The following KRT81 variants were observed in gnomAD, a reference collection of about 807,000 sequenced individuals.
KRT81 encodes the protein keratin 81.
In KRT81, 35 loss-of-function variants were observed where a neutral mutation model predicts 35.8. That is an observed-to-expected ratio of 0.98 (90% confidence interval 0.75 to 1.30). KRT81 has a LOEUF of 1.30. Ranked by LOEUF, KRT81 falls within the 50% of genes most tolerant of loss-of-function variation. KRT81 has a pLI of 0.00. For missense variants in KRT81, 531 were observed against 577.4 expected, an observed-to-expected ratio of 0.92 and a Z score of 0.82; for synonymous variants, 249 against 251.2, an observed-to-expected ratio of 0.99 and a Z score of 0.08.
Position 52,286,334 on chromosome 12 carries a change from C to G in KRT81, c.1439G>C (p.Gly480Ala). 1.3e-6 allele frequency: 2 copies of G among 1,554,924 alleles called. No individual in the cohort carries two copies. The highest frequency in any genetic ancestry group is 8.7e-7 in the Non-Finnish European group (1 of 1,148,752). The change falls in exon 9 of 9, where the codon GGG becomes GCG. Residue 480 changes from glycine (G) to alanine (A), a missense_variant. Transcript: ENST00000327741. ...ACAGGAGCCCACGCCGCAGGAACCC[C>G]CTCCGCAGGTGGTGTTCAATTGGCC... ...PCGQLNTTCG[G>A]GSCGVGSCGI...
At position 52,287,637 on chromosome 12, in the gene KRT81, T is replaced by A; in HGVS notation, c.985A>T (p.Ile329Phe). ...KEEINELNRM[I>F]QRLTAEVENA... ...TCCACCTCGGCCGTCAGCCTTTGGATCATGCGGTTCAGCTCATTGATCTCC... is the reference window on the plus strand; with the variant it reads ...TCCACCTCGGCCGTCAGCCTTTGGAACATGCGGTTCAGCTCATTGATCTCC... The change falls in exon 6 of 9, where the codon ATC (isoleucine) becomes TTC (phenylalanine). Residue 329 changes from isoleucine (I) to phenylalanine (F), a missense_variant. This residue lies in a region of KRT81 where 194 missense variants were observed against 198.2 expected (regional missense o/e 0.98). Coordinates refer to ENST00000327741, the MANE Select transcript of KRT81 (RefSeq NM_002281.4). The A allele has an allele frequency of 6.2e-7, 1 of 1,613,892 alleles. No individual in the cohort carries two copies.
chr12:52,286,153 CAGG>C lies in KRT81; in HGVS notation c.*99_*101del, dbSNP rs546731827. 4.7e-4 allele frequency: 438 copies of C among 927,862 alleles called. 2 individuals carry two copies. In the African/African-American group the frequency reaches 6.3e-3, roughly 13 times the overall value. 57.5% of individuals were successfully genotyped at this position (927,862 alleles called of 1,614,324 possible). On this transcript the variant is annotated 3_prime_UTR_variant, in exon 9 of 9. Transcript: ENST00000327741. The stretch of plus-strand genomic sequence containing the variant: ...GGAGTGGGAGGGGTCTTTCAAAGTG[CAGG>C]AGAAGTAGCTGAGCACTTGCTCCAG...
rs201454353 is a variant in KRT81 at position 52,287,304 on chromosome 12, C to T, written c.1045G>A (p.Ala349Thr). The T allele has an allele frequency of 3.1e-4, 501 of 1,614,030 alleles. 4 individuals carry two copies. The highest frequency in any genetic ancestry group is 2.5e-3 in the Middle Eastern group (15 of 6,026). ...CCCTGCTGCTCAGACTGGGCCACCG[C>T]GGCCTCCAGCTTGGAGTTCTGAAGA... is the stretch of plus-strand genomic sequence containing the variant. ...AKCQNSKLEA[A>T]VAQSEQQGEA... Residue 349 changes from alanine to threonine, a missense_variant, in exon 7 of 9, where the codon GCG (alanine) becomes ACG (threonine). Ala to Thr is a moderately conservative substitution (Grantham distance 58). Transcript: ENST00000327741.
chr12:52,286,602 CTT>C, intron 8 of KRT81, 109 bp from the exon 9 acceptor site: 1 of 1,296,760 alleles, frequency 7.7e-7, no homozygotes, highest in Non-Finnish European at 1.1e-6. Flanking sequence ...TCAGAAGCAT[CTT>C]TGTGGACAAT....
Position 52,285,985 on chromosome 12 carries a change from G to C in KRT81, c.*270C>G, listed in dbSNP as rs932814933. 2 of 523,030 alleles carry C rather than the reference G, an allele frequency of 3.8e-6. No homozygotes were observed. Among genetic ancestry groups the C allele is most frequent in the South Asian group, 4.3e-5 (2 of 46,824 alleles). The allele number at this position is 523,030 out of a possible 1,614,324, so 32.4% of individuals were successfully genotyped here. ...GGGGAGAGGCAGGAAGGCAGTTGCC[G>C]TGGGCAAGGTTCTGGTCCTGGCCCT... On this transcript the variant is annotated 3_prime_UTR_variant, in exon 9 of 9. Coordinates refer to ENST00000327741, the MANE Select transcript of KRT81 (RefSeq NM_002281.4).
rs1347984958 is a variant in KRT81 at position 52,288,041 on chromosome 12, C to T, written c.843G>A (p.Gln281=). The change falls in exon 5 of 9, where the codon CAG becomes CAA. Residue 281 remains glutamine (Q), a synonymous_variant. Transcript: ENST00000327741. The part of the protein sequence containing the change: ...MDCIIAEIKA[Q]YDDIVTRSRA... The stretch of plus-strand genomic sequence containing the variant: ...GGCTGCGGGTGACAATGTCGTCATA[C>T]TGTGCCTTAATCTCGGCAATGATGC... 20 of 1,614,126 alleles carry T rather than the reference C, an allele frequency of 1.2e-5. No individual in the cohort carries two copies. Among genetic ancestry groups the T allele is most frequent in the Admixed American group, 1.7e-5 (1 of 60,006 alleles).
chr12:52,288,260 C>T (rs1938024855), intron 4 of KRT81, 101 bp downstream of exon 4: 6 of 1,602,030 alleles, frequency 3.7e-6, no homozygotes, highest in Middle Eastern at 2.1e-4. Flanking sequence ...CTCACACAGC[C>T]TCAGGGACTG....
In KRT81 at chr12:52,291,450, C is replaced by G. The variant is rs1203286108; in HGVS notation, c.16G>C (p.Gly6Arg). ...CAGCTGAAGGCGCGCCCACCAAATC[C>G]TGATCCGCAGGTCATGATCCTCCTG... The part of the protein sequence containing the change: MTCGS[G>R]FGGRAFSCIS... The change falls in exon 1 of 9, where the codon GGA becomes CGA. Residue 6 changes from glycine (G) to arginine (R), a missense_variant. Physicochemically the swap from Gly to Arg is moderately radical, Grantham distance 125. Around this residue, in one of 5 missense-constraint regions of KRT81, gnomAD observed 133 missense variants for 125.9 expected, o/e 1.06. Transcript: ENST00000327741. 6.2e-7 allele frequency: 1 copy of G among 1,612,946 alleles called. No individual in the cohort carries two copies. The highest frequency in any genetic ancestry group is 1.1e-5 in the South Asian group (1 of 90,966).
In KRT81 at chr12:52,291,265, G is replaced by A. The variant is rs1185662562; in HGVS notation, c.201C>T (p.Ser67=). The A allele has an allele frequency of 1.8e-5, 28 of 1,528,564 alleles. No individual in the cohort carries two copies. The highest frequency in any genetic ancestry group is 4.1e-5 in the Admixed American group (2 of 49,306). 94.7% of individuals were successfully genotyped at this position (1,528,564 alleles called of 1,614,324 possible). A position where few individuals can be genotyped will look rare whatever the true frequency, so the allele number is the denominator to read the frequency against. ...GGGGACTGGGCCCGCACACGCCCCCGGAGCGGTAGCCGAAGCTGCGTCCGC... is the reference window on the plus strand; with the variant it reads ...GGGGACTGGGCCCGCACACGCCCCCAGAGCGGTAGCCGAAGCTGCGTCCGC... ...GSCGRSFGYR[S]GGVCGPSPPC... is the part of the protein sequence containing the mutation. Residue 67 remains serine (S), a synonymous_variant, in exon 1 of 9, where the codon TCC becomes TCT. Coordinates refer to ENST00000327741, the MANE Select transcript of KRT81 (RefSeq NM_002281.4).
chr12:52,286,868 T>C, intron 7 of KRT81, 46 bp from the exon 8 acceptor site: 7 of 1,610,082 alleles, frequency 4.3e-6, no homozygotes, highest in Non-Finnish European at 5.1e-6. Flanking sequence ...TGCCCCAGAG[T>C]GGCTGAAAAA....
In KRT81 at chr12:52,291,418, C is replaced by G. The variant is rs149101320; in HGVS notation, c.48G>C (p.Ser16=). The stretch of plus-strand genomic sequence containing the variant: ...AGCGGCCGGGCCGCGGCCCGCAGGC[C>G]GAGATGCAGCTGAAGGCGCGCCCAC... ...GFGGRAFSCI[S]ACGPRPGRCC... Residue 16 remains serine, a synonymous_variant, in exon 1 of 9, where the codon TCG becomes TCC. Transcript: ENST00000327741. 2.4e-4 allele frequency: 389 copies of G among 1,611,882 alleles called. 1 individual carries two copies. Among genetic ancestry groups the G allele is most frequent in the South Asian group, 2.2e-3 (198 of 90,914 alleles).
At position 52,291,490 on chromosome 12, in the gene KRT81, A is replaced by C; in HGVS notation, c.-25T>G. 1 of 1,611,940 alleles carries C rather than the reference A, an allele frequency of 6.2e-7. No individual in the cohort carries two copies. On this transcript the variant is annotated 5_prime_UTR_variant, in exon 1 of 9. Transcript: ENST00000327741. ...TGATCCTCCTGGACGTTTGGGTTGCAGAGGACAGGATAGGGGACCTGGAGT... is the reference window on the plus strand; with the variant it reads ...TGATCCTCCTGGACGTTTGGGTTGCCGAGGACAGGATAGGGGACCTGGAGT...
intron 4 of KRT81, 60 bp from the exon 5 acceptor site, chr12:52,288,208 A>G: frequency 1.3e-6 from 2 of 1,594,394 alleles, no homozygotes; most frequent in South Asian, 1.1e-5. Flanking sequence ...CCATGTCCTG[A>G]CTCCACCTCC....
rs1471855424 is a variant in KRT81 at position 52,287,611 on chromosome 12, C to T, written c.1011G>A (p.Glu337=). 3 of 1,613,856 alleles carry T rather than the reference C, an allele frequency of 1.9e-6. No individual in the cohort carries two copies. In the African/African-American group the frequency reaches 4.0e-5, roughly 22 times the overall value. ...RMIQRLTAEV[E]NAKCQNSKLE... ...TGCCCCATACCTGGCACTTGGCATT[C>T]TCCACCTCGGCCGTCAGCCTTTGGA... Residue 337 remains glutamate, a synonymous_variant, in exon 6 of 9, where the codon GAG becomes GAA. Transcript: ENST00000327741.
Position 52,287,729 on chromosome 12 carries a change from A to C in KRT81, c.901-8T>G. 1 of 1,613,856 alleles carries C rather than the reference A, an allele frequency of 6.2e-7. No homozygotes were observed. The highest frequency in any genetic ancestry group is 8.5e-7 in the Non-Finnish European group (1 of 1,179,912). ...GGCCTTCATCTCCTCACACTGGGGGAAGTAGAGATGCTCATGAGGTTCAGG... is the reference window on the plus strand; with the variant it reads ...GGCCTTCATCTCCTCACACTGGGGGCAGTAGAGATGCTCATGAGGTTCAGG... On this transcript the variant is annotated splice_region_variant and splice_polypyrimidine_tract_variant and intron_variant, in intron 5 of 8. Coordinates refer to ENST00000327741, the MANE Select transcript of KRT81 (RefSeq NM_002281.4).
chr12:52,288,133 G>A lies in KRT81; in HGVS notation c.751C>T (p.Gln251Ter). The A allele has an allele frequency of 6.2e-7, 1 of 1,614,122 alleles. No individual in the cohort carries two copies. The highest frequency in any genetic ancestry group is 8.5e-7 in the Non-Finnish European group (1 of 1,180,002). ...ACGGAGGTGTCTGAGATGTGCGACT[G>A]GAGAATGAGGATCTCCTGCAGGAGG... ...RLYEEEILIL[Q>*]SHISDTSVVV... The change falls in exon 5 of 9, where the codon CAG (glutamine) becomes TAG (stop). Residue 251 changes from glutamine (Q) to a stop codon, truncating the protein, a stop_gained. Transcript: ENST00000327741. LOFTEE classifies it high-confidence loss of function.
intron 7 of KRT81, 139 bp from the exon 8 acceptor site, chr12:52,286,961 C>G: frequency 5.2e-6 from 8 of 1,548,136 alleles, no homozygotes; most frequent in Non-Finnish European, 7.1e-6. Flanking sequence ...GACAAACTCA[C>G]ACACCAGCCC....
At chr12:52,288,307 C>A (rs1233352940) in intron 4 of KRT81, 54 bp downstream of exon 4, 49 of 1,611,596 alleles carry the variant, frequency 3.0e-5, no homozygotes, top group Non-Finnish European at 4.0e-5. Context: ...ACTCCCACCC[C>A]CAACTCTCCT....
At position 52,287,127 on chromosome 12, in the gene KRT81, G is replaced by T; in HGVS notation, c.1222C>A (p.Arg408Ser). 1.2e-6 allele frequency: 2 copies of T among 1,613,220 alleles called. No individual in the cohort carries two copies. Among genetic ancestry groups the T allele is most frequent in the Non-Finnish European group, 1.7e-6 (2 of 1,179,960 alleles). The change falls in exon 7 of 9, where the codon CGC (arginine) becomes AGC (serine). Residue 408 changes from arginine (R) to serine (S), a missense_variant. By Grantham distance (110) the Arg-to-Ser change is moderately radical. This residue lies in a region of KRT81 where 150 missense variants were observed against 145.4 expected (regional missense o/e 1.03). Coordinates refer to ENST00000327741, the MANE Select transcript of KRT81 (RefSeq NM_002281.4). ...GLDIEIATYRRLLEGEEQRLC... is the reference protein window; with the variant it reads ...GLDIEIATYRSLLEGEEQRLC... ...CTCTGCTCCTCGCCCTCCAGCAGGCGCCTGTAGGTGGCGATCTCGATGTCC... is the reference window on the plus strand; with the variant it reads ...CTCTGCTCCTCGCCCTCCAGCAGGCTCCTGTAGGTGGCGATCTCGATGTCC...
Sources: gnomAD v4.1 joint callset for allele counts on GRCh38, gnomAD v4.1.1 for gene constraint, gnomAD v4.1.1 regional missense constraint, MANE v1.5 for transcripts, NCBI Gene and HGNC (gene_info 2026-07-23, HGNC 2026-07-21) for gene names.